Variants in MEGF11 observed in about 807,000 individuals in gnomAD.
MEGF11 encodes multiple EGF like domains 11, also known as multiple epidermal growth factor-like domains protein 11.
In MEGF11, 126 loss-of-function variants were observed where a neutral mutation model predicts 146.6. That is an observed-to-expected ratio of 0.86 (90% confidence interval 0.74 to 1.00). The LOEUF (loss-of-function observed/expected upper bound fraction) is 1.00, where lower values mean the gene tolerates loss of function less well. MEGF11 is among the 50% of genes least tolerant of loss of function. The pLI, the probability that MEGF11 is intolerant of heterozygous loss-of-function variation, is 0.00. For missense variants in MEGF11, 1,509 were observed against 1,521.2 expected (o/e 0.99, Z 0.13); for synonymous variants, 532 against 583.4 (o/e 0.91, Z 1.27).
chr15:65,997,414 TCC>T (rs1312259570), intron 5 of MEGF11, among the ~76,000 whole-genome samples: 2 of 152,154 alleles, frequency 1.3e-5, no homozygotes, highest in Admixed American at 6.5e-5. Flanking sequence ...CATGGTCCTG[TCC>T]TGGAACTCAC....
chr15:65,914,549 C>T (rs72742823), intron 19 of MEGF11, among the ~76,000 whole-genome samples: 13 of 152,072 alleles, frequency 8.5e-5, no homozygotes, highest in Admixed American at 2.0e-4. Context: ...GATGACTGCC[C>T]GCAGGACCCC....
intron 9 of MEGF11, among the ~76,000 whole-genome samples, chr15:65,958,725 G>A (rs1032465285): frequency 6.6e-6 from 1 of 152,150 alleles, no homozygotes; most frequent in Non-Finnish European, 1.5e-5. Context: ...TTCCTTACAT[G>A]TGATCTGTCA....
intron 24 of MEGF11, among the ~76,000 whole-genome samples, chr15:65,900,752 C>T (rs1334715796): frequency 2.6e-5 from 4 of 152,208 alleles, no homozygotes; most frequent in African/African-American, 9.6e-5. Context: ...CATTTTCCAT[C>T]ACAATTTAGC....
chr15:66,023,725 C>A (rs539304583), intron 5 of MEGF11, among the ~76,000 whole-genome samples: 1 of 152,178 alleles, frequency 6.6e-6, no homozygotes, highest in Non-Finnish European at 1.5e-5. Context: ...GATTACAGAC[C>A]CTGCTGCCCT....
At chr15:65,939,803 C>A (rs753498232) in intron 10 of MEGF11, among the ~76,000 whole-genome samples, 9 of 152,128 alleles carry the variant, frequency 5.9e-5, no homozygotes, top group Non-Finnish European at 1.3e-4. Flanking sequence ...CTCTTTAACT[C>A]TCCCCCAGCC....
Position 66,001,103 on chromosome 15 carries a change from G to A in MEGF11, c.395-18615C>T, listed in dbSNP as rs570597550. On this transcript the variant is annotated intron_variant, in intron 5 of 25. Transcript: ENST00000395614. ...GTTGACATGTGGGGACAGAAATTTG[G>A]CCTCAGAGGATGTCTAGAGTTAGGA... is the stretch of plus-strand genomic sequence containing the variant. 3.9e-5 allele frequency among the ~76,000 whole-genome samples: 6 copies of A among 152,280 alleles called. No individual in the cohort carries two copies. In the South Asian group the frequency reaches 6.2e-4, roughly 16 times the overall value.
chr15:66,034,344 AAT>A (rs748097365), intron 5 of MEGF11, among the ~76,000 whole-genome samples: 56 of 151,230 alleles, frequency 3.7e-4, no homozygotes, highest in Non-Finnish European at 7.5e-4. Context: ...GGATGGAATG[AAT>A]ATATTTTACA....
intron 5 of MEGF11, among the ~76,000 whole-genome samples, chr15:65,985,385 A>G (rs1475729551): frequency 1.3e-5 from 2 of 151,892 alleles, no homozygotes; most frequent in African/African-American, 4.9e-5. Flanking sequence ...GATACCACAG[A>G]GACTAGCCAC....
At chr15:66,152,164 T>C (rs2089594191) in intron 1 of MEGF11, among the ~76,000 whole-genome samples, 1 of 152,038 alleles carries the variant, frequency 6.6e-6, no homozygotes, top group Non-Finnish European at 1.5e-5. Flanking sequence ...CCAGGAAACA[T>C]GGGCCTGTCA....
intron 7 of MEGF11, among the ~76,000 whole-genome samples, chr15:65,972,264 C>T (rs1262898081): frequency 1.3e-5 from 2 of 152,056 alleles, no homozygotes; most frequent in Non-Finnish European, 2.9e-5. Flanking sequence ...AATAAAATTT[C>T]CCAGAATGGA....
intron 4 of MEGF11, among the ~76,000 whole-genome samples, chr15:66,111,111 C>T (rs2087375863): frequency 6.6e-6 from 1 of 152,172 alleles, no homozygotes; most frequent in Non-Finnish European, 1.5e-5. Context: ...GTCACTTAGC[C>T]TCTCTGAGCT....
intron 1 of MEGF11, among the ~76,000 whole-genome samples, chr15:66,165,487 C>T (rs955295400): frequency 6.6e-6 from 1 of 152,158 alleles, no homozygotes; most frequent in Non-Finnish European, 1.5e-5. Flanking sequence ...GAGAAAGGAA[C>T]ATCTTTTTTA....
Position 66,020,584 on chromosome 15 carries a change from G to A in MEGF11, c.395-38096C>T, listed in dbSNP as rs1156282545. On this transcript the variant is annotated intron_variant, in intron 5 of 25. Transcript: ENST00000395614. ...CTGTCTTTCCAATTCACTAATGAAA[G>A]CTTTCTTCCTTCCCAGGGAAATGTC... Among the ~76,000 whole-genome samples the A allele has an allele frequency of 5.3e-5, 8 of 152,166 alleles. No individual in the cohort carries two copies. The South Asian group carries it at 1.4e-3, about 28-fold the overall frequency.
At chr15:65,954,256 A>G (rs2080500408) in intron 10 of MEGF11, among the ~76,000 whole-genome samples, 1 of 152,164 alleles carries the variant, frequency 6.6e-6, no homozygotes, top group Admixed American at 6.5e-5. Flanking sequence ...CAAACCAAGC[A>G]ACCAACAAAG....
chr15:66,143,478 G>C (rs1364132901), intron 1 of MEGF11, among the ~76,000 whole-genome samples: 1 of 152,182 alleles, frequency 6.6e-6, no homozygotes, highest in East Asian at 1.9e-4. Flanking sequence ...GGTGCTTCTC[G>C]GGTGCAGACA....
chr15:66,135,858 G>A (rs1434115378), intron 1 of MEGF11, among the ~76,000 whole-genome samples: 1 of 152,186 alleles, frequency 6.6e-6, no homozygotes, highest in Non-Finnish European at 1.5e-5. Context: ...ACCTTGCTGT[G>A]TGACCCAGGA....
chr15:66,230,723 C>A (rs570647913), intron 1 of MEGF11, among the ~76,000 whole-genome samples: 2 of 152,264 alleles, frequency 1.3e-5, no homozygotes, highest in South Asian at 2.1e-4. Context: ...GCAGGTGATG[C>A]GGACGTGGGA....
chr15:65,904,844 C>G (rs1284267543), intron 24 of MEGF11, among the ~76,000 whole-genome samples: 3 of 152,162 alleles, frequency 2.0e-5, no homozygotes, highest in African/African-American at 7.2e-5. Context: ...TTCTGGTACA[C>G]TGTTAGATTT....
chr15:66,112,481 G>C (rs1308484823), intron 4 of MEGF11, among the ~76,000 whole-genome samples: 1 of 152,174 alleles, frequency 6.6e-6, no homozygotes. Flanking sequence ...GAACTTAGGA[G>C]AGACAGAAGA....
Sources: allele counts gnomAD v4.1 joint callset (sites outside exome capture counted in the v4.1 genomes callset), GRCh38; gene constraint gnomAD v4.1.1; transcripts MANE v1.5; gene names NCBI Gene and HGNC (gene_info 2026-07-23, HGNC 2026-07-21).